The following DOCK5 variants were observed in gnomAD, a reference collection of about 807,000 sequenced individuals.
DOCK5 encodes the protein dedicator of cytokinesis 5, also known as dedicator of cytokinesis protein 5.
In DOCK5, 142 loss-of-function variants were observed where a neutral mutation model predicts 251.8. The observed-to-expected ratio is 0.56, with a 90% confidence interval of 0.49 to 0.65. The LOEUF (loss-of-function observed/expected upper bound fraction) is 0.65, where lower values mean the gene tolerates loss of function less well. Ranked by LOEUF, DOCK5 falls within the 30% of genes least tolerant of loss-of-function variation. The pLI is 0.00. For missense variants in DOCK5, 2,111 were observed against 2,312.3 expected (o/e 0.91, Z 1.79); for synonymous variants, 842 against 835.5 (o/e 1.01, Z -0.13).
chr8:25,366,705 A>G (rs1174158553), intron 30 of DOCK5, among the ~76,000 whole-genome samples, 165 bp from the exon 31 acceptor site: 1 of 152,210 alleles, frequency 6.6e-6, no homozygotes, highest in Non-Finnish European at 1.5e-5. Flanking sequence ...TTAAGTCTCA[A>G]AACTTTTAGG....
chr8:25,252,104 G>T (rs1332539031), intron 2 of DOCK5, among the ~76,000 whole-genome samples: 2 of 152,004 alleles, frequency 1.3e-5, no homozygotes, highest in African/African-American at 4.8e-5. Flanking sequence ...GATACAGTAT[G>T]GTATCTAACG....
At position 25,412,337 on chromosome 8, in the gene DOCK5, G is replaced by C. The variant is rs1354496171; in HGVS notation, c.*1039G>C. ...AGTACTCCTTTCAGAAGAAAAAATG[G>C]AGCGATTTAGGTGACCAAATATTAC... is the stretch of plus-strand genomic sequence containing the variant. On this transcript the variant is annotated 3_prime_UTR_variant, in exon 52 of 52. Coordinates refer to ENST00000276440, the MANE Select transcript of DOCK5 (RefSeq NM_024940.8). The C allele has an allele frequency of 6.6e-6, 1 of 152,074 alleles. No homozygotes were observed. The highest frequency in any genetic ancestry group is 1.5e-5 in the Non-Finnish European group (1 of 68,020). 9.4% of individuals were successfully genotyped at this position (152,074 alleles called of 1,614,324 possible). A position where few individuals can be genotyped will look rare whatever the true frequency, so the allele number is the denominator to read the frequency against.
chr8:25,300,446 C>A, intron 8 of DOCK5, 130 bp from the exon 9 acceptor site: 2 of 756,228 alleles, frequency 2.6e-6, no homozygotes, highest in Non-Finnish European at 4.2e-6. Flanking sequence ...GCTGTTTTCA[C>A]ACCGGCCTGT....
At position 25,196,927 on chromosome 8, in the gene DOCK5, C is replaced by T. The variant is rs527692561; in HGVS notation, c.43+11976C>T. On this transcript the variant is annotated intron_variant, in intron 1 of 51. Coordinates refer to ENST00000276440, the MANE Select transcript of DOCK5 (RefSeq NM_024940.8). ...TTCACTAAATATTTTGGCTGGGCAC[C>T]GTGGCTCATGCCTGTAATCCCAGCA... Among the ~76,000 whole-genome samples the T allele has an allele frequency of 1.1e-4, 16 of 152,200 alleles. No homozygotes were observed. In the South Asian group the frequency reaches 1.2e-3, roughly 12 times the overall value.
chr8:25,380,588 G>A (rs1801047780), intron 39 of DOCK5, among the ~76,000 whole-genome samples, 194 bp downstream of exon 39: 1 of 152,216 alleles, frequency 6.6e-6, no homozygotes. Context: ...ATATCCTTCA[G>A]AGAAGGTTCA....
At chr8:25,272,432 T>C (rs1122450) in intron 3 of DOCK5, among the ~76,000 whole-genome samples, 106,347 of 152,144 alleles carry the variant, frequency 0.7, 39,573 homozygotes, top group Non-Finnish European at 0.83. Flanking sequence ...TCTGCATTTA[T>C]GTTTCTGAAT....
In DOCK5 at chr8:25,401,390, G is replaced by A. The variant is rs560375005; in HGVS notation, c.4926+324G>A. Reference sequence around the variant, plus strand: ...GTAGTTGCAATTCTGAGAAGTTCCCGGGTGATATTGATGCTGCTGGTCTGG... The same window carrying A: ...GTAGTTGCAATTCTGAGAAGTTCCCAGGTGATATTGATGCTGCTGGTCTGG... On this transcript the variant is annotated intron_variant, in intron 47 of 51. Transcript: ENST00000276440. Among the ~76,000 whole-genome samples, 7 of 152,182 alleles carry A rather than the reference G, an allele frequency of 4.6e-5. No homozygotes were observed. In the East Asian group the frequency reaches 7.7e-4, roughly 17 times the overall value.
chr8:25,337,453 A>T (rs180761344), intron 22 of DOCK5, among the ~76,000 whole-genome samples: 2 of 150,780 alleles, frequency 1.3e-5, no homozygotes, highest in East Asian at 1.9e-4. Context: ...GTCCAGTAAT[A>T]CCTCATCTAG....
In DOCK5 at chr8:25,332,310, A is replaced by C. The variant is rs764688968; in HGVS notation, c.1963A>C (p.Lys655Gln). 7.4e-6 allele frequency: 12 copies of C among 1,613,518 alleles called. No homozygotes were observed. Among genetic ancestry groups the C allele is most frequent in the African/African-American group, 1.3e-5 (1 of 74,908 alleles). ...CTCCCAGAACATTAAACACAACCTA[A>C]AGAAGTTAATGGAAGTGGATGGAGG... ...SNSQNIKHNL[K>Q]KLMEVDGGEI... Residue 655 changes from lysine to glutamine, a missense_variant, in exon 19 of 52, where the codon AAG becomes CAG. Lys to Gln is a moderately conservative substitution (Grantham distance 53). Coordinates refer to ENST00000276440, the MANE Select transcript of DOCK5 (RefSeq NM_024940.8).
chr8:25,265,637 G>A (rs1176280307), intron 2 of DOCK5, among the ~76,000 whole-genome samples: 1 of 151,770 alleles, frequency 6.6e-6, no homozygotes, highest in African/African-American at 2.4e-5. Flanking sequence ...TAACATTAGA[G>A]TGTAATCTTC....
At chr8:25,229,046 C>T (rs1207336800) in intron 1 of DOCK5, among the ~76,000 whole-genome samples, 11 of 141,306 alleles carry the variant, frequency 7.8e-5, no homozygotes, top group Non-Finnish European at 1.1e-4. Flanking sequence ...GTCTGGGCAA[C>T]GTAGTAAGAC....
chr8:25,225,774 A>C (rs1042996307), intron 1 of DOCK5, among the ~76,000 whole-genome samples: 1 of 152,056 alleles, frequency 6.6e-6, no homozygotes, highest in Non-Finnish European at 1.5e-5. Flanking sequence ...CGTTATGCTA[A>C]GTGAAATAAG....
intron 5 of DOCK5, among the ~76,000 whole-genome samples, chr8:25,284,955 A>G (rs937406940): frequency 6.6e-6 from 1 of 152,156 alleles, no homozygotes; most frequent in Non-Finnish European, 1.5e-5. Context: ...ATCTCACCCT[A>G]AGATTTAGTT....
At chr8:25,355,346 A>C (rs1800548278) in intron 27 of DOCK5, among the ~76,000 whole-genome samples, 1 of 152,264 alleles carries the variant, frequency 6.6e-6, no homozygotes, top group Admixed American at 6.5e-5. Context: ...AAAAGTAAAA[A>C]TAATTGTCAT....
intron 40 of DOCK5, among the ~76,000 whole-genome samples, chr8:25,386,336 A>C (rs982973431): frequency 1.1e-4 from 16 of 152,170 alleles, no homozygotes; most frequent in African/African-American, 3.9e-4. Flanking sequence ...TAATCCCAGC[A>C]CTGGTAGGCC....
chr8:25,290,546 A>G (rs1357649359), intron 5 of DOCK5, among the ~76,000 whole-genome samples: 1 of 152,228 alleles, frequency 6.6e-6, no homozygotes, highest in Non-Finnish European at 1.5e-5. Context: ...ACCAAGATTA[A>G]CAGTTTAATA....
chr8:25,187,191 A>G (rs1481097707), intron 1 of DOCK5, among the ~76,000 whole-genome samples: 2 of 150,074 alleles, frequency 1.3e-5, no homozygotes, highest in Non-Finnish European at 3.0e-5. Context: ...ATACTGTGAG[A>G]CCCGATCTCA....
At position 25,400,948 on chromosome 8, in the gene DOCK5, G is replaced by T; in HGVS notation, c.4808G>T (p.Gly1603Val). Reference sequence around the variant, plus strand: ...TTCCAGATGCCCCTGCTAACAGAAGGGATCCGCATCCATGGGGAGAAACTC... The same window carrying T: ...TTCCAGATGCCCCTGCTAACAGAAGTGATCCGCATCCATGGGGAGAAACTC... ...IALQMPLLTE[G>V]IRIHGEKLTE... The change falls in exon 47 of 52, where the codon GGG (glycine) becomes GTG (valine). Residue 1603 changes from glycine to valine, a missense_variant. Physicochemically the swap from Gly to Val is moderately radical, Grantham distance 109. Coordinates refer to ENST00000276440, the MANE Select transcript of DOCK5 (RefSeq NM_024940.8). The T allele has an allele frequency of 1.2e-6, 2 of 1,613,940 alleles. No individual in the cohort carries two copies. Among genetic ancestry groups the T allele is most frequent in the Non-Finnish European group, 1.7e-6 (2 of 1,179,872 alleles).
intron 40 of DOCK5, among the ~76,000 whole-genome samples, chr8:25,385,172 G>A (rs1034492021): frequency 2.6e-5 from 4 of 152,114 alleles, no homozygotes; most frequent in Admixed American, 2.0e-4. Flanking sequence ...AGGGCCTTGG[G>A]GTTTCCTGGG....
Sources: gnomAD v4.1 joint callset for allele counts (sites outside exome capture counted in the v4.1 genomes callset) on GRCh38, gnomAD v4.1.1 for gene constraint, MANE v1.5 for transcripts, NCBI Gene and HGNC (gene_info 2026-07-23, HGNC 2026-07-21) for gene names.